Variants in LGI3 observed in about 807,000 individuals in gnomAD.
LGI3 encodes leucine-rich repeat LGI family member 3.
LGI3 carries 47 observed loss-of-function variants against 55.4 expected under a neutral mutation model. The observed-to-expected ratio is 0.85, with a 90% CI of 0.67 to 1.08. LGI3 has a LOEUF of 1.08. Among genes scored for constraint, LGI3 ranks in the 50% least tolerant of loss-of-function variants. The pLI, the probability that LGI3 is intolerant of heterozygous loss-of-function variation, is 0.00. For missense variants in LGI3, 664 were observed against 726.3 expected (o/e 0.91, Z 0.99); for synonymous variants, 326 against 315.0 (o/e 1.04, Z -0.37).
chr8:22,153,882 A>G, intron 5 of LGI3, 86 bp downstream of exon 5: 2 of 1,396,772 alleles, frequency 1.4e-6, no homozygotes. Context: ...AGACCTTATG[A>G]CCATCCCAAT....
chr8:22,150,594 G>A (rs377623225), intron 7 of LGI3, among the ~76,000 whole-genome samples: 10 of 152,060 alleles, frequency 6.6e-5, no homozygotes, highest in East Asian at 1.9e-4. Flanking sequence ...TCCTGACCTC[G>A]TGATCCACCC....
chr8:22,151,935 T>C lies in LGI3; in HGVS notation c.560A>G (p.His187Arg), dbSNP rs1403946803. The C allele has an allele frequency of 8.1e-6, 13 of 1,612,886 alleles. No homozygotes were observed. The highest frequency in any genetic ancestry group is 1.1e-5 in the Non-Finnish European group (13 of 1,179,670). ...GATGGGTGCCACCGTGGTGTTGGTGTGTGCCAGCCACTCCACCAACCACTT... is the reference window on the plus strand; with the variant it reads ...GATGGGTGCCACCGTGGTGTTGGTGCGTGCCAGCCACTCCACCAACCACTT... Reference protein sequence around the residue: ...KVKWLVEWLAHTNTTVAPIYC... With the variant: ...KVKWLVEWLARTNTTVAPIYC... Residue 187 changes from histidine to arginine, a missense_variant, in exon 6 of 8, where the codon CAC (histidine) becomes CGC (arginine). By Grantham distance (29) the His-to-Arg change is conservative (BLOSUM62 0). Transcript: ENST00000306317.
At chr8:22,154,790 C>T (rs1827465401) in intron 2 of LGI3, 159 bp from the exon 3 acceptor site, 1 of 623,234 alleles carries the variant, frequency 1.6e-6, no homozygotes, top group Non-Finnish European at 2.9e-6. Context: ...GCAACAAGGC[C>T]AGGCAGGAGC....
chr8:22,151,196 G>A lies in LGI3; in HGVS notation c.829+293C>T, dbSNP rs529121843. Among the ~76,000 whole-genome samples, 11 of 152,170 alleles carry A rather than the reference G, an allele frequency of 7.2e-5. No homozygotes were observed. In the South Asian group the frequency reaches 1.9e-3, roughly 26 times the overall value. On this transcript the variant is annotated intron_variant, in intron 7 of 7. Transcript: ENST00000306317. ...GTTCTCCCTTTCCTCTATTCTTCAAGACTCAGCTTGGGTATCCCCCCTCCA... is the reference window on the plus strand; with the variant it reads ...GTTCTCCCTTTCCTCTATTCTTCAAAACTCAGCTTGGGTATCCCCCCTCCA...
rs766087094 is a variant in LGI3, at chr8:22,151,950, A to G, written c.545T>C (p.Val182Ala). Reference protein sequence around the residue: ...LNCDCKVKWLVEWLAHTNTTV... With the variant: ...LNCDCKVKWLAEWLAHTNTTV... ...GGTGTTGGTGTGTGCCAGCCACTCC[A>G]CCAACCACTTCACCTTGCAGTCACA... The change falls in exon 6 of 8, where the codon GTG (valine) becomes GCG (alanine). Residue 182 changes from valine (V) to alanine (A), a missense_variant. Coordinates refer to ENST00000306317, the MANE Select transcript of LGI3 (RefSeq NM_139278.4). The G allele has an allele frequency of 1.9e-6, 3 of 1,613,040 alleles. No homozygotes were observed. The highest frequency in any genetic ancestry group is 2.2e-5 in the South Asian group (2 of 90,990).
chr8:22,148,966 C>T lies in LGI3; in HGVS notation c.841G>A (p.Val281Met), dbSNP rs373048876. ...DYDRIPAPSAVHCKPMVVDSQ... is the reference protein window; with the variant it reads ...DYDRIPAPSAMHCKPMVVDSQ... ...TCCACCACCATCGGCTTGCAGTGCA[C>T]TGCAGAGGGGGCTGTGCCAGGACAG... Residue 281 changes from valine to methionine, a missense_variant, in exon 8 of 8, where the codon GTG becomes ATG. By Grantham distance (21) the Val-to-Met change is conservative (BLOSUM62 1). Coordinates refer to ENST00000306317, the MANE Select transcript of LGI3 (RefSeq NM_139278.4). The surrounding 1 kb of genome is among the most constrained non-coding windows in gnomAD (Gnocchi z 7.0). 59 of 1,609,920 alleles carry T rather than the reference C, an allele frequency of 3.7e-5. No homozygotes were observed. Among genetic ancestry groups the T allele is most frequent in the Non-Finnish European group, 4.7e-5 (55 of 1,178,070 alleles).
In LGI3 at chr8:22,152,076, G is replaced by C. The variant is rs376330872; in HGVS notation, c.495-76C>G. ...GGCTCTGCCTACCCAGGCCCTCCAGGTTTTCAGAAATAGAGCTGGTCAAGG... is the reference window on the plus strand; with the variant it reads ...GGCTCTGCCTACCCAGGCCCTCCAGCTTTTCAGAAATAGAGCTGGTCAAGG... On this transcript the variant is annotated intron_variant, in intron 5 of 7. Coordinates refer to ENST00000306317, the MANE Select transcript of LGI3 (RefSeq NM_139278.4). The C allele has an allele frequency of 3.0e-5, 38 of 1,271,852 alleles. 1 individual carries two copies. The Middle Eastern group carries it at 9.9e-4, about 33-fold the overall frequency. The allele number at this position is 1,271,852 out of a possible 1,614,324, so 78.8% of individuals were successfully genotyped here. A position where few individuals can be genotyped will look rare whatever the true frequency, so the allele number is the denominator to read the frequency against.
chr8:22,148,948 C>A lies in LGI3; in HGVS notation c.859G>T (p.Val287Leu), dbSNP rs773217538. The A allele has an allele frequency of 3.7e-6, 6 of 1,613,122 alleles. No homozygotes were observed. In the Admixed American group the frequency reaches 5.0e-5, roughly 13 times the overall value. The change falls in exon 8 of 8, where the codon GTG becomes TTG. Residue 287 changes from valine (V) to leucine (L), a missense_variant. Physicochemically the swap from Val to Leu is conservative, Grantham distance 32. Transcript: ENST00000306317. This position sits in a 1 kb window ranked among gnomAD's most constrained non-coding sequence, Gnocchi z 7.0. ...APSAVHCKPMVVDSQLYVVVA... is the reference protein window; with the variant it reads ...APSAVHCKPMLVDSQLYVVVA... Reference sequence around the variant, plus strand: ...ACCACGTACAGCTGGCTGTCCACCACCATCGGCTTGCAGTGCACTGCAGAG... The same window carrying A: ...ACCACGTACAGCTGGCTGTCCACCAACATCGGCTTGCAGTGCACTGCAGAG...
At chr8:22,152,109 A>C in intron 5 of LGI3, 109 bp from the exon 6 acceptor site, 1 of 853,774 alleles carries the variant, frequency 1.2e-6, no homozygotes, top group Non-Finnish European at 1.8e-6. Flanking sequence ...AGGCTGCTGC[A>C]AGTTGCTCAC....
intron 3 of LGI3, 37 bp downstream of exon 3, chr8:22,154,523 C>T: frequency 6.3e-7 from 1 of 1,594,306 alleles, no homozygotes; most frequent in Non-Finnish European, 8.6e-7. Flanking sequence ...GTCCCCCTCC[C>T]TTCTGCTTTC....
Position 22,154,056 on chromosome 8 carries a change from C to T in LGI3, c.423-17G>A. On this transcript the variant is annotated splice_polypyrimidine_tract_variant and intron_variant, in intron 4 of 7. Coordinates refer to ENST00000306317, the MANE Select transcript of LGI3 (RefSeq NM_139278.4). ...GCCAGCGAGCTGCAAAAGAGACCGC[C>T]AGGTCATCTGAAGATCATGAGCAAG... The T allele has an allele frequency of 6.2e-7, 1 of 1,614,086 alleles. No individual in the cohort carries two copies.
rs1287394418 is a variant in LGI3, at chr8:22,146,958, C to T, written c.*1202G>A. ...TGTGCCCTCTCCACTAGCCTGGCAT[C>T]TCAGCAGACAGCAGAGGGCAGCAGA... On this transcript the variant is annotated 3_prime_UTR_variant, in exon 8 of 8. Transcript: ENST00000306317. 6.6e-6 allele frequency: 1 copy of T among 152,316 alleles called. No individual in the cohort carries two copies. The highest frequency in any genetic ancestry group is 1.5e-5 in the Non-Finnish European group (1 of 68,092). 9.4% of individuals were successfully genotyped at this position (152,316 alleles called of 1,614,324 possible). A position where few individuals can be genotyped will look rare whatever the true frequency, so the allele number is the denominator to read the frequency against.
rs762607403 is a variant in LGI3, at chr8:22,151,949, C to A, written c.546G>T (p.Val182=). The part of the protein sequence containing the change: ...LNCDCKVKWL[V]EWLAHTNTTV... The stretch of plus-strand genomic sequence containing the variant: ...TGGTGTTGGTGTGTGCCAGCCACTC[C>A]ACCAACCACTTCACCTTGCAGTCAC... The change falls in exon 6 of 8, where the codon GTG becomes GTT. Residue 182 remains valine (V), a synonymous_variant. Coordinates refer to ENST00000306317, the MANE Select transcript of LGI3 (RefSeq NM_139278.4). 1 of 1,613,090 alleles carries A rather than the reference C, an allele frequency of 6.2e-7. No homozygotes were observed.
Position 22,154,592 on chromosome 8 carries a change from G to T in LGI3, c.318C>A (p.Asn106Lys), listed in dbSNP as rs138270702. Reference sequence around the variant, plus strand: ...GCAGGTGCGACAGTCCTGTGAAGGCGTTGTCTCCAATCAGTGTAAACTTGT... The same window carrying T: ...GCAGGTGCGACAGTCCTGTGAAGGCTTTGTCTCCAATCAGTGTAAACTTGT... ...NSNKFTLIGD[N>K]AFTGLSHLQY... The change falls in exon 3 of 8, where the codon AAC (asparagine) becomes AAA (lysine). Residue 106 changes from asparagine to lysine, a missense_variant. By Grantham distance (94) the Asn-to-Lys change is moderately conservative. Coordinates refer to ENST00000306317, the MANE Select transcript of LGI3 (RefSeq NM_139278.4). 4 of 1,613,830 alleles carry T rather than the reference G, an allele frequency of 2.5e-6. No individual in the cohort carries two copies. Among genetic ancestry groups the T allele is most frequent in the African/African-American group, 1.3e-5 (1 of 74,910 alleles).
intron 5 of LGI3, among the ~76,000 whole-genome samples, chr8:22,152,416 T>C (rs1259188687): frequency 6.6e-6 from 1 of 152,318 alleles, no homozygotes; most frequent in East Asian, 1.9e-4. Context: ...TCCCGCTGAT[T>C]GGACTTTAAT....
chr8:22,152,864 A>G (rs1827398030), intron 5 of LGI3, among the ~76,000 whole-genome samples: 1 of 151,754 alleles, frequency 6.6e-6, no homozygotes, highest in African/African-American at 2.4e-5. Context: ...CAGCCTGACC[A>G]ACATGGAGAA....
chr8:22,149,122 C>G (rs1827346505), intron 7 of LGI3, 145 bp from the exon 8 acceptor site: 1 of 612,420 alleles, frequency 1.6e-6, no homozygotes, highest in Non-Finnish European at 2.9e-6. Flanking sequence ...GAAGTTCATC[C>G]ACTAAGCGCT....
In LGI3 at chr8:22,153,996, A is replaced by G; in HGVS notation, c.466T>C (p.Phe156Leu). The change falls in exon 5 of 8, where the codon TTC (phenylalanine) becomes CTC (leucine). Residue 156 changes from phenylalanine (F) to leucine (L), a missense_variant. Phe to Leu is a conservative substitution (Grantham distance 22). Coordinates refer to ENST00000306317, the MANE Select transcript of LGI3 (RefSeq NM_139278.4). ...NNLQTLPRDIFRPLDILNDLD... is the reference protein window; with the variant it reads ...NNLQTLPRDILRPLDILNDLD... ...TCATTCAGGATGTCCAGGGGCCGGAAGATGTCTCTGGGCAGTGTCTGCAGG... is the reference window on the plus strand; with the variant it reads ...TCATTCAGGATGTCCAGGGGCCGGAGGATGTCTCTGGGCAGTGTCTGCAGG... 1 of 1,614,194 alleles carries G rather than the reference A, an allele frequency of 6.2e-7. No homozygotes were observed. Among genetic ancestry groups the G allele is most frequent in the East Asian group, 2.2e-5 (1 of 44,884 alleles).
intron 7 of LGI3, among the ~76,000 whole-genome samples, chr8:22,151,110 C>G (rs1162105997): frequency 2.0e-5 from 3 of 152,102 alleles, no homozygotes; most frequent in Non-Finnish European, 4.4e-5. Flanking sequence ...TCACTCCTGT[C>G]TCCTCCTCAT....
Sources: allele counts gnomAD v4.1 joint callset (sites outside exome capture counted in the v4.1 genomes callset), GRCh38; gene constraint gnomAD v4.1.1; non-coding constraint Gnocchi (gnomAD v3.1); transcripts MANE v1.5; gene names NCBI Gene and HGNC (gene_info 2026-07-23, HGNC 2026-07-21).